MRPL1: variants seen among roughly 807,000 people sequenced by gnomAD.
The protein encoded by MRPL1 is mitochondrial ribosomal protein L1.
Under a neutral mutation model 38.0 loss-of-function variants are expected in MRPL1, and 28 were observed. That is an observed-to-expected ratio of 0.74 (90% CI 0.55 to 1.01). The LOEUF (loss-of-function observed/expected upper bound fraction) is 1.01. Ranked by LOEUF, MRPL1 falls within the 50% of genes least tolerant of loss-of-function variation. The pLI is 0.00. For missense variants in MRPL1, 358 were observed against 389.8 expected (o/e 0.92, Z 0.69); for synonymous variants, 123 against 126.7 (o/e 0.97, Z 0.20).
rs528613950 is a variant in MRPL1, at chr4:77,873,380, G to T, written c.143+1525G>T. Among the ~76,000 whole-genome samples the T allele has an allele frequency of 9.6e-4, 146 of 152,254 alleles. No individual in the cohort carries two copies. The Middle Eastern group carries it at 0.031, about 32-fold the overall frequency. The stretch of plus-strand genomic sequence containing the variant: ...CTTTAGAACTGTCACACTCTTCATG[G>T]TTAGTATATAATAATAGAATCATTG... On this transcript the variant is annotated intron_variant, in intron 2 of 8. Transcript: ENST00000315567.
At chr4:77,907,188 G>A in intron 6 of MRPL1, 1 of 981,800 alleles carries the variant, frequency 1.0e-6, no homozygotes, top group Non-Finnish European at 1.2e-6. Flanking sequence ...ACATTTTTCA[G>A]TGCATGGAAT....
Position 77,922,564 on chromosome 4 carries a change from C to T in MRPL1, c.777+13192C>T, listed in dbSNP as rs553826161. ...TCCAGTTAAGGGTCTTTTGCAATAA[C>T]CTTGGCTAGAGATGAGAGTAGCTTG... On this transcript the variant is annotated intron_variant, in intron 7 of 8. Coordinates refer to ENST00000315567, the MANE Select transcript of MRPL1 (RefSeq NM_020236.4). Among the ~76,000 whole-genome samples the T allele has an allele frequency of 1.2e-4, 18 of 152,238 alleles. No individual in the cohort carries two copies. In the East Asian group the frequency reaches 3.5e-3, roughly 29 times the overall value.
intron 7 of MRPL1, among the ~76,000 whole-genome samples, chr4:77,915,727 A>C (rs542575792): frequency 1.1e-4 from 16 of 152,240 alleles, no homozygotes; most frequent in Admixed American, 1.3e-4. Flanking sequence ...TTTTGTTCTT[A>C]ATATTTCCTA....
chr4:77,927,347 TTA>T (rs1736737575), intron 7 of MRPL1, among the ~76,000 whole-genome samples: 1 of 152,200 alleles, frequency 6.6e-6, no homozygotes, highest in African/African-American at 2.4e-5. Flanking sequence ...TTTACATTAT[TTA>T]TGTTTTTAAA....
At chr4:77,909,758 G>A (rs892149212) in intron 7 of MRPL1, among the ~76,000 whole-genome samples, 4 of 152,214 alleles carry the variant, frequency 2.6e-5, no homozygotes, top group African/African-American at 9.6e-5. Flanking sequence ...CTACTTTAGT[G>A]GAATTGAGTA....
chr4:77,934,598 A>T (rs1736920086), intron 7 of MRPL1, among the ~76,000 whole-genome samples: 1 of 152,236 alleles, frequency 6.6e-6, no homozygotes, highest in Admixed American at 6.5e-5. Flanking sequence ...GGGAATGTAA[A>T]ATACTATAGC....
At chr4:77,944,833 TATATA>T (rs1277988533) in intron 7 of MRPL1, among the ~76,000 whole-genome samples, 2 of 152,158 alleles carry the variant, frequency 1.3e-5, no homozygotes, top group Non-Finnish European at 2.9e-5. Flanking sequence ...TCATTTTCCT[TATATA>T]AAGATCACGA....
intron 7 of MRPL1, among the ~76,000 whole-genome samples, chr4:77,915,414 T>G (rs1286539802): frequency 1.3e-5 from 2 of 152,160 alleles, no homozygotes; most frequent in Non-Finnish European, 2.9e-5. Context: ...GGTAAATTAG[T>G]TTTTTTCGCT....
chr4:77,929,313 A>G (rs1475083736), intron 7 of MRPL1, among the ~76,000 whole-genome samples: 1 of 152,248 alleles, frequency 6.6e-6, no homozygotes, highest in African/African-American at 2.4e-5. Context: ...GTGGATAAAT[A>G]TGATAGCATT....
chr4:77,878,850 G>A (rs1041942357), intron 2 of MRPL1, among the ~76,000 whole-genome samples: 3 of 152,140 alleles, frequency 2.0e-5, no homozygotes, highest in African/African-American at 7.2e-5. Flanking sequence ...CTGCACTCCA[G>A]TCTGGCAACA....
At chr4:77,943,745 A>G (rs187743419) in intron 7 of MRPL1, among the ~76,000 whole-genome samples, 146 of 152,120 alleles carry the variant, frequency 9.6e-4, no homozygotes, top group Non-Finnish European at 1.4e-3. Context: ...TATTTATGCT[A>G]TCTGGTTCAC....
At chr4:77,918,325 G>C (rs1438632199) in intron 7 of MRPL1, among the ~76,000 whole-genome samples, 1 of 152,144 alleles carries the variant, frequency 6.6e-6, no homozygotes, top group African/African-American at 2.4e-5. Context: ...TTTCTCCCAA[G>C]TTTAAATTGG....
intron 8 of MRPL1, among the ~76,000 whole-genome samples, chr4:77,950,237 T>C (rs1380292510): frequency 6.6e-6 from 1 of 152,218 alleles, no homozygotes; most frequent in Non-Finnish European, 1.5e-5. Flanking sequence ...AACCAGATCA[T>C]TCACTTTGTC....
chr4:77,952,691 T>C lies in MRPL1; in HGVS notation c.*84T>C. The C allele has an allele frequency of 7.4e-6, 6 of 812,812 alleles. No homozygotes were observed. The highest frequency in any genetic ancestry group is 2.4e-5 in the Admixed American group (1 of 40,836). 50.3% of individuals were successfully genotyped at this position (812,812 alleles called of 1,614,324 possible). On this transcript the variant is annotated 3_prime_UTR_variant, in exon 9 of 9. Transcript: ENST00000315567. ...TACAGCATAATTTTTACATTTGATG[T>C]CTTGTTATTGATCATACTTGAAAGT...
In MRPL1 at chr4:77,872,906, A is replaced by G. The variant is rs146065881; in HGVS notation, c.143+1051A>G. On this transcript the variant is annotated intron_variant, in intron 2 of 8. Transcript: ENST00000315567. The stretch of plus-strand genomic sequence containing the variant: ...AAATTAGCTGGACATAGTGGTGTGT[A>G]CCTGTAATCCCTGCTACTTGGGAGG... Among the ~76,000 whole-genome samples, 817 of 152,208 alleles carry G rather than the reference A, an allele frequency of 5.4e-3. 7 individuals carry two copies. The highest frequency in any genetic ancestry group is 0.018 in the African/African-American group (768 of 41,538).
chr4:77,887,703 G>C (rs1403790143), intron 5 of MRPL1, among the ~76,000 whole-genome samples: 2 of 151,998 alleles, frequency 1.3e-5, no homozygotes, highest in Non-Finnish European at 2.9e-5. Context: ...TTTTTTTGTA[G>C]AGATAGGGTT....
At chr4:77,947,026 A>AAAAAAAAAAG (rs1553908982) in intron 7 of MRPL1, among the ~76,000 whole-genome samples, 1 of 149,360 alleles carries the variant, frequency 6.7e-6, no homozygotes, top group Non-Finnish European at 1.5e-5. Context: ...AAAAAAAAAA[A>AAAAAAAAAAG]GTTAAGAACC....
rs755461711 is a variant in MRPL1 at position 77,862,929 on chromosome 4, C to T, written c.31+50C>T. The T allele has an allele frequency of 3.1e-6, 5 of 1,611,872 alleles. No individual in the cohort carries two copies. The South Asian group carries it at 3.3e-5, about 11-fold the overall frequency. On this transcript the variant is annotated intron_variant, in intron 1 of 8. Transcript: ENST00000315567. ...GGGAAATGGCTCTGGCACCGAGTCT[C>T]TGGTTGCAGCAGAGTGCAAGGCGGA...
chr4:77,877,766 G>A (rs1286962002), intron 2 of MRPL1, among the ~76,000 whole-genome samples: 1 of 151,802 alleles, frequency 6.6e-6, no homozygotes, highest in African/African-American at 2.4e-5. Flanking sequence ...GATTGGTACA[G>A]GATACTGGGC....
Sources: allele counts gnomAD v4.1 joint callset (sites outside exome capture counted in the v4.1 genomes callset), GRCh38; gene constraint gnomAD v4.1.1; transcripts MANE v1.5; gene names NCBI Gene and HGNC (gene_info 2026-07-23, HGNC 2026-07-21).